GRIK4: variants seen among roughly 807,000 people sequenced by gnomAD.
GRIK4 encodes the protein glutamate receptor ionotropic, kainate 4.
GRIK4 carries 40 observed loss-of-function variants against 104.9 expected under a neutral mutation model. The ratio of observed to expected loss-of-function variants is 0.38; its 90% CI spans 0.30 to 0.50. GRIK4 has a LOEUF of 0.50. Among genes scored for constraint, GRIK4 ranks in the 20% least tolerant of loss-of-function variants. The pLI is 0.93. For synonymous variants in GRIK4, 485 were observed against 524.9 expected (o/e 0.92, Z 1.04); for missense variants, 1,047 against 1,308.1 (o/e 0.80, Z 3.08).
chr11:120,685,433 C>T (rs575358803), intron 3 of GRIK4, among the ~76,000 whole-genome samples: 4 of 152,156 alleles, frequency 2.6e-5, no homozygotes, highest in African/African-American at 4.8e-5. Flanking sequence ...TGGGTCCGCC[C>T]GTACCCCTCA....
In GRIK4 at chr11:120,511,854, C is replaced by T; in HGVS notation, c.-192C>T. On this transcript the variant is annotated 5_prime_UTR_variant, in exon 1 of 21. Transcript: ENST00000527524. The stretch of plus-strand genomic sequence containing the variant: ...GCGGCCGGCCCGGCAGCGCCCGGCC[C>T]CCGGCTCAGCCCCCGGAGTGCGGAG... 2.9e-6 allele frequency: 1 copy of T among 347,376 alleles called. No individual in the cohort carries two copies. The highest frequency in any genetic ancestry group is 5.9e-6 in the Non-Finnish European group (1 of 170,498). 21.5% of individuals were successfully genotyped at this position (347,376 alleles called of 1,614,324 possible). A position where few individuals can be genotyped will look rare whatever the true frequency, so the allele number is the denominator to read the frequency against.
At chr11:120,519,309 A>G (rs565711586) in intron 1 of GRIK4, among the ~76,000 whole-genome samples, 1 of 152,272 alleles carries the variant, frequency 6.6e-6, no homozygotes, top group Admixed American at 6.5e-5. Flanking sequence ...TGAAATCTTA[A>G]CCTCCAAGTG....
chr11:120,683,327 C>G (rs952060109), intron 3 of GRIK4, among the ~76,000 whole-genome samples: 5 of 152,076 alleles, frequency 3.3e-5, no homozygotes, highest in African/African-American at 1.2e-4. Flanking sequence ...TGAAGGAAAG[C>G]TCAACAATGA....
In GRIK4 at chr11:120,685,583, G is replaced by C. The variant is rs577034378; in HGVS notation, c.82+25183G>C. 2.6e-5 allele frequency among the ~76,000 whole-genome samples: 4 copies of C among 152,196 alleles called. No individual in the cohort carries two copies. The South Asian group carries it at 8.3e-4, about 32-fold the overall frequency. On this transcript the variant is annotated intron_variant, in intron 3 of 20. Transcript: ENST00000527524. ...TCTGTTGCTGTGCCCCATGTCCCTG[G>C]GGCAGGCCGGCTTTTTCTCCATGCA...
At chr11:120,527,856 C>A (rs1025217586) in intron 1 of GRIK4, among the ~76,000 whole-genome samples, 2 of 152,248 alleles carry the variant, frequency 1.3e-5, no homozygotes, top group African/African-American at 4.8e-5. Flanking sequence ...ACCAGCGGAA[C>A]CAGCCTCACC....
At chr11:120,570,090 A>G (rs1948378049) in intron 1 of GRIK4, among the ~76,000 whole-genome samples, 1 of 152,228 alleles carries the variant, frequency 6.6e-6, no homozygotes, top group Non-Finnish European at 1.5e-5. Context: ...TGGCAACAAT[A>G]AAGAGTGAGA....
At chr11:120,853,499 T>G (rs543797832) in intron 8 of GRIK4, among the ~76,000 whole-genome samples, 14 of 152,158 alleles carry the variant, frequency 9.2e-5, no homozygotes, top group African/African-American at 3.1e-4. Flanking sequence ...ATTCAAGAGA[T>G]GTAAAGGAAT....
chr11:120,959,049 C>T (rs978023025), intron 16 of GRIK4, among the ~76,000 whole-genome samples: 4 of 152,136 alleles, frequency 2.6e-5, no homozygotes, highest in Admixed American at 2.6e-4. Context: ...CATATTCAGT[C>T]TGATGGTCTC....
At chr11:120,856,436 T>C (rs970901578) in intron 8 of GRIK4, among the ~76,000 whole-genome samples, 1 of 152,092 alleles carries the variant, frequency 6.6e-6, no homozygotes, top group Non-Finnish European at 1.5e-5. Context: ...CTCCATTAAA[T>C]AGCAGCTATT....
chr11:120,833,853 T>G (rs1953501209), intron 7 of GRIK4, among the ~76,000 whole-genome samples: 2 of 152,224 alleles, frequency 1.3e-5, no homozygotes, highest in Admixed American at 1.3e-4. Flanking sequence ...TAAGCGCTTT[T>G]TGTCCACACT....
At chr11:120,925,085 C>G (rs1943313540) in intron 13 of GRIK4, among the ~76,000 whole-genome samples, 1 of 152,156 alleles carries the variant, frequency 6.6e-6, no homozygotes, top group South Asian at 2.1e-4. Context: ...TCCATTCTGT[C>G]TAGCAGGAGC....
chr11:120,718,201 G>T (rs1950869763), intron 3 of GRIK4, among the ~76,000 whole-genome samples: 1 of 151,944 alleles, frequency 6.6e-6, no homozygotes, highest in African/African-American at 2.4e-5. Flanking sequence ...CAGCCCTGGA[G>T]TTCCTAATAT....
chr11:120,655,544 A>G (rs940864123), intron 2 of GRIK4, among the ~76,000 whole-genome samples: 1 of 152,198 alleles, frequency 6.6e-6, no homozygotes, highest in African/African-American at 2.4e-5. Flanking sequence ...TATTTCTGTA[A>G]GAAGCCCCTG....
chr11:120,686,509 G>A (rs1950278861), intron 3 of GRIK4, among the ~76,000 whole-genome samples: 1 of 152,186 alleles, frequency 6.6e-6, no homozygotes, highest in African/African-American at 2.4e-5. Flanking sequence ...TCCCCAGGGG[G>A]CCTCACACAG....
chr11:120,917,865 G>A (rs1943146005), intron 13 of GRIK4, among the ~76,000 whole-genome samples: 1 of 152,222 alleles, frequency 6.6e-6, no homozygotes, highest in African/African-American at 2.4e-5. Flanking sequence ...AGCGCCAGCT[G>A]TTAAGGGGAG....
chr11:120,952,692 ACACCCT>A lies in GRIK4; in HGVS notation c.1591-160_1591-155del, dbSNP rs1944031079. On this transcript the variant is annotated intron_variant, in intron 14 of 20. Transcript: ENST00000527524. The surrounding 1 kb of genome is among the most constrained non-coding windows in gnomAD (Gnocchi z 5.2). ...GTCGTGTCATTTGCGCAGCCCGGCA[ACACCCT>A]CATTCCCAGTGTCATTTAAACCAAT... Among the ~76,000 whole-genome samples the A allele has an allele frequency of 6.6e-6, 1 of 152,124 alleles. No homozygotes were observed. Among genetic ancestry groups the A allele is most frequent in the Non-Finnish European group, 1.5e-5 (1 of 68,014 alleles).
intron 3 of GRIK4, among the ~76,000 whole-genome samples, chr11:120,779,509 C>G (rs532868876): frequency 6.6e-6 from 1 of 152,306 alleles, no homozygotes; most frequent in Non-Finnish European, 1.5e-5. Context: ...AGCAACCACA[C>G]CATTCTGGAA....
At chr11:120,581,793 G>A (rs773210340) in intron 1 of GRIK4, among the ~76,000 whole-genome samples, 1 of 151,628 alleles carries the variant, frequency 6.6e-6, no homozygotes, top group Non-Finnish European at 1.5e-5. Context: ...ATTTCAGTGA[G>A]TGGAAGATTT....
chr11:120,705,765 A>G (rs531083810), intron 3 of GRIK4, among the ~76,000 whole-genome samples: 3 of 152,192 alleles, frequency 2.0e-5, no homozygotes, highest in Non-Finnish European at 4.4e-5. Context: ...TGTTCTTTTT[A>G]ACGCTATCGT....
Sources: gnomAD v4.1 joint callset for allele counts (sites outside exome capture counted in the v4.1 genomes callset) on GRCh38, gnomAD v4.1.1 for gene constraint, Gnocchi (gnomAD v3.1) non-coding constraint, MANE v1.5 for transcripts, NCBI Gene and HGNC (gene_info 2026-07-23, HGNC 2026-07-21) for gene names.